MLLT10: variants seen among roughly 807,000 people sequenced by gnomAD.
MLLT10 encodes the protein MLLT10 histone lysine methyltransferase DOT1L cofactor.
In MLLT10, 30 loss-of-function variants were observed where a neutral mutation model predicts 129.1. The ratio of observed to expected loss-of-function variants is 0.23; its 90% CI spans 0.17 to 0.32. The LOEUF is 0.32. Among genes scored for constraint, MLLT10 ranks in the 10% least tolerant of loss-of-function variants. The pLI is 1.00. For missense variants in MLLT10, 1,119 were observed against 1,268.3 expected (o/e 0.88, Z 1.79); for synonymous variants, 490 against 446.4 (o/e 1.10, Z -1.23).
intron 3 of MLLT10, among the ~76,000 whole-genome samples, chr10:21,585,713 G>A (rs2041922033): frequency 6.6e-6 from 1 of 152,116 alleles, no homozygotes; most frequent in South Asian, 2.1e-4. Context: ...AATAATCCCA[G>A]CATCTTTGTG....
intron 5 of MLLT10, among the ~76,000 whole-genome samples, chr10:21,605,773 T>C (rs2043999243): frequency 6.6e-6 from 1 of 152,208 alleles, no homozygotes; most frequent in Non-Finnish European, 1.5e-5. Context: ...TGGGTTATTT[T>C]CTTAGTGGTA....
chr10:21,667,786 T>C (rs969012807), intron 9 of MLLT10, among the ~76,000 whole-genome samples: 1 of 152,180 alleles, frequency 6.6e-6, no homozygotes, highest in Non-Finnish European at 1.5e-5. Flanking sequence ...GCTGTTTCTT[T>C]GGTTACTTGT....
chr10:21,611,884 A>G (rs1425410620), intron 5 of MLLT10, among the ~76,000 whole-genome samples: 2 of 152,184 alleles, frequency 1.3e-5, no homozygotes, highest in African/African-American at 4.8e-5. Context: ...AACGTTGCTA[A>G]TTCGTGTAGG....
chr10:21,592,647 G>C (rs930757852), intron 4 of MLLT10, among the ~76,000 whole-genome samples: 3 of 151,972 alleles, frequency 2.0e-5, no homozygotes, highest in African/African-American at 7.3e-5. Flanking sequence ...TAGTAGAGAC[G>C]GTGTTTCACC....
chr10:21,539,653 C>T (rs2034739117), intron 3 of MLLT10, among the ~76,000 whole-genome samples: 1 of 152,064 alleles, frequency 6.6e-6, no homozygotes, highest in Non-Finnish European at 1.5e-5. Context: ...CCTGTAGTCC[C>T]AGCTACTTAG....
intron 3 of MLLT10, among the ~76,000 whole-genome samples, chr10:21,579,697 G>A (rs1409766223): frequency 6.6e-6 from 1 of 151,728 alleles, no homozygotes. Flanking sequence ...TGAGTAGCTG[G>A]GACTACAGGT....
At chr10:21,544,498 T>C (rs1432695198) in intron 3 of MLLT10, among the ~76,000 whole-genome samples, 1 of 152,138 alleles carries the variant, frequency 6.6e-6, no homozygotes, top group African/African-American at 2.4e-5. Flanking sequence ...CCCTGACAGA[T>C]ACCGAACAGT....
At chr10:21,653,176 T>C (rs1053367418) in intron 9 of MLLT10, among the ~76,000 whole-genome samples, 4 of 152,224 alleles carry the variant, frequency 2.6e-5, no homozygotes, top group African/African-American at 7.2e-5. Flanking sequence ...ACTCAGCTGT[T>C]TCCTCTAATT....
intron 13 of MLLT10, among the ~76,000 whole-genome samples, chr10:21,699,954 T>C (rs977364258): frequency 1.3e-5 from 2 of 152,216 alleles, no homozygotes; most frequent in African/African-American, 4.8e-5. Flanking sequence ...ATCTGTAGAT[T>C]GCTTTTGGCA....
At chr10:21,668,584 A>G (rs2051076556) in intron 9 of MLLT10, among the ~76,000 whole-genome samples, 1 of 152,138 alleles carries the variant, frequency 6.6e-6, no homozygotes, top group Non-Finnish European at 1.5e-5. Flanking sequence ...ACATTTAAAA[A>G]ATGTTCAGTT....
chr10:21,738,194 G>A (rs892131733), intron 21 of MLLT10, among the ~76,000 whole-genome samples: 2 of 152,104 alleles, frequency 1.3e-5, no homozygotes, highest in Non-Finnish European at 2.9e-5. Context: ...CTTGAACCAG[G>A]AGGTGTAGGT....
chr10:21,596,749 T>G (rs1337065073), intron 5 of MLLT10, among the ~76,000 whole-genome samples: 1 of 152,128 alleles, frequency 6.6e-6, no homozygotes, highest in Non-Finnish European at 1.5e-5. Context: ...CTTCCATATC[T>G]GTTTATTTTA....
chr10:21,722,010 T>G (rs2057167543), intron 14 of MLLT10, among the ~76,000 whole-genome samples: 1 of 151,856 alleles, frequency 6.6e-6, no homozygotes, highest in South Asian at 2.1e-4. Flanking sequence ...ATATGAAGGA[T>G]GTATACATCC....
chr10:21,563,913 C>T lies in MLLT10; in HGVS notation c.241-22381C>T, dbSNP rs375436695. ...CTGCGGGCTCCACCTCCCAGGTTCA[C>T]ACCATTCTCCTGCCTCAGCCTCCCG... On this transcript the variant is annotated intron_variant, in intron 3 of 22. Transcript: ENST00000307729. Among the ~76,000 whole-genome samples the T allele has an allele frequency of 1.2e-4, 18 of 151,776 alleles. No individual in the cohort carries two copies. The East Asian group carries it at 1.5e-3, about 13-fold the overall frequency.
chr10:21,534,961 A>T (rs1424224708), intron 2 of MLLT10, among the ~76,000 whole-genome samples, 157 bp downstream of exon 2: 7 of 148,660 alleles, frequency 4.7e-5, no homozygotes, highest in Non-Finnish European at 4.5e-5. Context: ...TGGGCCGCGC[A>T]TGTGGGAGAA....
intron 14 of MLLT10, among the ~76,000 whole-genome samples, chr10:21,717,296 T>C (rs1343427337): frequency 7.4e-6 from 1 of 135,486 alleles, no homozygotes; most frequent in Non-Finnish European, 1.6e-5. Context: ...TGGAAAGTGG[T>C]CAAGGAGATA....
At chr10:21,538,489 T>C (rs967439126) in intron 2 of MLLT10, among the ~76,000 whole-genome samples, 1 of 151,816 alleles carries the variant, frequency 6.6e-6, no homozygotes, top group Non-Finnish European at 1.5e-5. Flanking sequence ...TTTTTTTTTG[T>C]GGAGATGGAG....
intron 11 of MLLT10, 79 bp downstream of exon 11, chr10:21,673,998 T>A: frequency 9.1e-7 from 1 of 1,098,292 alleles, no homozygotes; most frequent in Non-Finnish European, 1.3e-6. Flanking sequence ...TTTCAACTGT[T>A]GTTACGATAA....
At chr10:21,730,000 A>G (rs2057822897) in intron 16 of MLLT10, among the ~76,000 whole-genome samples, 1 of 152,190 alleles carries the variant, frequency 6.6e-6, no homozygotes, top group Non-Finnish European at 1.5e-5. Context: ...ACGGTGGCTC[A>G]TGCCTATAAT....
Sources: gnomAD v4.1 joint callset for allele counts (sites outside exome capture counted in the v4.1 genomes callset) on GRCh38, gnomAD v4.1.1 for gene constraint, MANE v1.5 for transcripts, NCBI Gene and HGNC (gene_info 2026-07-23, HGNC 2026-07-21) for gene names.